Variants in CNTNAP5 observed in about 807,000 individuals in gnomAD.
CNTNAP5 encodes contactin associated protein family member 5.
CNTNAP5 carries 72 observed loss-of-function variants against 150.2 expected under a neutral mutation model. That is an observed-to-expected ratio of 0.48 (90% confidence interval 0.40 to 0.58). CNTNAP5 has a LOEUF of 0.58. Among genes scored for constraint, CNTNAP5 ranks in the 20% least tolerant of loss-of-function variants. The pLI is 0.00. For missense variants in CNTNAP5, 1,636 were observed against 1,626.2 expected (o/e 1.01, Z -0.10); for synonymous variants, 672 against 619.8 (o/e 1.08, Z -1.25).
At chr2:124,199,691 AG>A (rs1318410839) in intron 1 of CNTNAP5, among the ~76,000 whole-genome samples, 2 of 152,210 alleles carry the variant, frequency 1.3e-5, no homozygotes, top group African/African-American at 4.8e-5. Flanking sequence ...CTGGGATTAC[AG>A]GCATGAGCCA....
At chr2:124,571,534 T>TTTTCTC in intron 11 of CNTNAP5, among the ~76,000 whole-genome samples, 1 of 96,934 alleles carries the variant, frequency 1.0e-5, no homozygotes, top group African/African-American at 4.0e-5. Flanking sequence ...TTTCTTTTTT[T>TTTTCTC]TTTTTTTTTT....
intron 10 of CNTNAP5, among the ~76,000 whole-genome samples, chr2:124,551,154 T>A (rs562668455): frequency 6.6e-6 from 1 of 152,192 alleles, no homozygotes; most frequent in African/African-American, 2.4e-5. Context: ...ACCCCAGCAT[T>A]GTTGCTGGGA....
intron 21 of CNTNAP5, among the ~76,000 whole-genome samples, chr2:124,895,090 G>T (rs930266070): frequency 4.6e-5 from 7 of 151,520 alleles, no homozygotes; most frequent in Non-Finnish European, 1.0e-4. Flanking sequence ...TTGAAATAAT[G>T]AATTCTCAAA....
At chr2:124,094,425 G>A (rs971321476) in intron 1 of CNTNAP5, among the ~76,000 whole-genome samples, 8 of 152,160 alleles carry the variant, frequency 5.3e-5, no homozygotes, top group East Asian at 1.9e-4. Flanking sequence ...CAGGTGAACT[G>A]CATAAGGGTC....
chr2:124,569,127 CTTTA>C (rs2104937279), intron 11 of CNTNAP5, among the ~76,000 whole-genome samples: 2 of 152,198 alleles, frequency 1.3e-5, no homozygotes, highest in East Asian at 3.9e-4. Context: ...TCAGAAACTG[CTTTA>C]TTGAGTAAAA....
chr2:124,176,943 C>A (rs1318350677), intron 1 of CNTNAP5, among the ~76,000 whole-genome samples: 1 of 149,496 alleles, frequency 6.7e-6, no homozygotes, highest in Non-Finnish European at 1.5e-5. Flanking sequence ...CTCCTGGGTT[C>A]AAGCAATTAT....
chr2:124,563,147 C>A, intron 10 of CNTNAP5, 70 bp from the exon 11 acceptor site: 1 of 929,998 alleles, frequency 1.1e-6, no homozygotes, highest in South Asian at 1.5e-5. Context: ...GGATATGAGA[C>A]ATTTTTGCTT....
chr2:124,213,126 C>T (rs972514740), intron 1 of CNTNAP5, among the ~76,000 whole-genome samples: 3 of 152,110 alleles, frequency 2.0e-5, no homozygotes, highest in Non-Finnish European at 2.9e-5. Context: ...GCGGGAGCCA[C>T]CGGGCCTGGC....
At chr2:124,593,077 C>A (rs945894324) in intron 11 of CNTNAP5, among the ~76,000 whole-genome samples, 2 of 150,542 alleles carry the variant, frequency 1.3e-5, no homozygotes, top group Non-Finnish European at 3.0e-5. Context: ...TTGTTTTTCT[C>A]TAGTACATGT....
At chr2:124,314,858 A>C (rs1245529313) in intron 3 of CNTNAP5, among the ~76,000 whole-genome samples, 1 of 152,212 alleles carries the variant, frequency 6.6e-6, no homozygotes, top group Non-Finnish European at 1.5e-5. Flanking sequence ...ATAAAATATC[A>C]TTAATTACAT....
At chr2:124,155,075 G>GTTTTTTTT (rs36194209) in intron 1 of CNTNAP5, among the ~76,000 whole-genome samples, 1 of 81,374 alleles carries the variant, frequency 1.2e-5, no homozygotes. Context: ...AACCATTCCC[G>GTTTTTTTT]TTTTTTTTTT....
intron 13 of CNTNAP5, among the ~76,000 whole-genome samples, chr2:124,678,955 C>A (rs1239166346): frequency 6.6e-6 from 1 of 151,914 alleles, no homozygotes; most frequent in Non-Finnish European, 1.5e-5. Flanking sequence ...TAAAGTCAAC[C>A]ACAAACACCT....
chr2:124,346,230 A>G (rs1260685228), intron 3 of CNTNAP5, among the ~76,000 whole-genome samples: 1 of 152,208 alleles, frequency 6.6e-6, no homozygotes, highest in African/African-American at 2.4e-5. Context: ...GGGTAACTGC[A>G]TAACACTGCA....
chr2:124,037,869 A>G (rs992852347), intron 1 of CNTNAP5, among the ~76,000 whole-genome samples: 1 of 152,258 alleles, frequency 6.6e-6, no homozygotes, highest in African/African-American at 2.4e-5. Flanking sequence ...ATATCAAAAC[A>G]TTATGTTGTA....
intron 21 of CNTNAP5, among the ~76,000 whole-genome samples, chr2:124,870,499 A>T (rs927060093): frequency 1.8e-4 from 27 of 147,000 alleles, no homozygotes; most frequent in African/African-American, 6.8e-4. Context: ...CCATTTTTTT[A>T]TAATGGCAAA....
At chr2:124,829,290 T>C (rs1558792131) in intron 19 of CNTNAP5, among the ~76,000 whole-genome samples, 1 of 152,176 alleles carries the variant, frequency 6.6e-6, no homozygotes, top group Non-Finnish European at 1.5e-5. Flanking sequence ...CCTTTGATCA[T>C]AAATCAACTG....
At chr2:124,372,970 C>T (rs566549353) in intron 3 of CNTNAP5, among the ~76,000 whole-genome samples, 2 of 152,170 alleles carry the variant, frequency 1.3e-5, no homozygotes, top group East Asian at 3.9e-4. Flanking sequence ...ACTTGAGGAA[C>T]TTGACATAGA....
In CNTNAP5 at chr2:124,701,672, A is replaced by G. The variant is rs1163915813; in HGVS notation, c.2078-45557A>G. On this transcript the variant is annotated intron_variant, in intron 13 of 23. Coordinates refer to ENST00000682447, the MANE Select transcript of CNTNAP5 (RefSeq NM_001367498.1). ...GTTCCCTTCTATCCACACCCTTGCC[A>G]ACATTTGTTATTTTTTGACTTCTTG... is the stretch of plus-strand genomic sequence containing the variant. Among the ~76,000 whole-genome samples, 4 of 152,118 alleles carry G rather than the reference A, an allele frequency of 2.6e-5. No homozygotes were observed. In the East Asian group the frequency reaches 7.7e-4, roughly 29 times the overall value.
At chr2:124,451,770 C>T (rs1161634986) in intron 6 of CNTNAP5, among the ~76,000 whole-genome samples, 1 of 152,086 alleles carries the variant, frequency 6.6e-6, no homozygotes, top group Non-Finnish European at 1.5e-5. Flanking sequence ...TCATCTGCCC[C>T]TGAACACAAA....
Sources: allele counts gnomAD v4.1 joint callset (sites outside exome capture counted in the v4.1 genomes callset), GRCh38; gene constraint gnomAD v4.1.1; transcripts MANE v1.5; gene names NCBI Gene and HGNC (gene_info 2026-07-23, HGNC 2026-07-21).